NHSL1: variants seen among roughly 807,000 people sequenced by gnomAD.
NHSL1 encodes NHS like 1.
NHSL1 carries 48 observed loss-of-function variants against 95.0 expected under a neutral mutation model. The ratio of observed to expected loss-of-function variants is 0.51; its 90% CI spans 0.40 to 0.64. NHSL1 has a LOEUF of 0.64. Among genes scored for constraint, NHSL1 ranks in the 30% least tolerant of loss-of-function variants. The pLI, the probability that NHSL1 is intolerant of heterozygous loss-of-function variation, is 0.00. For synonymous variants in NHSL1, 783 were observed against 833.9 expected (o/e 0.94, Z 1.05); for missense variants, 1,971 against 2,077.7 (o/e 0.95, Z 1.00).
Position 138,543,426 on chromosome 6 carries a change from A to T in NHSL1, c.16+2197T>A, listed in dbSNP as rs1782660493. Among the ~76,000 whole-genome samples the T allele has an allele frequency of 2.0e-5, 3 of 152,222 alleles. No individual in the cohort carries two copies. The South Asian group carries it at 6.2e-4, about 32-fold the overall frequency. On this transcript the variant is annotated intron_variant, in intron 1 of 4. Transcript: ENST00000342260. ...CTTCAAGGAAGGCCAAATTGACAAA[A>T]AGCTGAGCAGACCTGGCTTCAGAAA...
intron 1 of NHSL1, among the ~76,000 whole-genome samples, chr6:138,598,357 C>T (rs1214892134): frequency 6.6e-6 from 1 of 151,796 alleles, no homozygotes; most frequent in Non-Finnish European, 1.5e-5. Flanking sequence ...ACTTGGAAGG[C>T]TAAGGCAGGA....
chr6:138,551,284 T>C (rs1368258086), intron 1 of NHSL1, among the ~76,000 whole-genome samples: 1 of 152,196 alleles, frequency 6.6e-6, no homozygotes, highest in African/African-American at 2.4e-5. Flanking sequence ...GGCTACTGTA[T>C]TCAGACAGGC....
intron 7 of NHSL1, among the ~76,000 whole-genome samples, chr6:138,427,673 C>T (rs1436013084): frequency 1.3e-5 from 2 of 152,206 alleles, no homozygotes; most frequent in Admixed American, 1.3e-4. Context: ...AAAAACTTCA[C>T]ACCTCAACTG....
At position 138,433,469 on chromosome 6, in the gene NHSL1, G is replaced by A; in HGVS notation, c.876C>T (p.Gly292=). The A allele has an allele frequency of 3.2e-6, 5 of 1,552,220 alleles. No homozygotes were observed. The highest frequency in any genetic ancestry group is 3.5e-6 in the Non-Finnish European group (4 of 1,147,122). Reference sequence around the variant, plus strand: ...TGTTGCCAGAGGAACCTGAGAAGTGGCCCATCTGGGCAGCAATGCCTTGCC... The same window carrying A: ...TGTTGCCAGAGGAACCTGAGAAGTGACCCATCTGGGCAGCAATGCCTTGCC... ...QKGQGIAAQM[G]HFSGSSGNMS... Residue 292 remains glycine, a synonymous_variant, in exon 6 of 8, where the codon GGC becomes GGT. Transcript: ENST00000343505.
At chr6:138,588,308 C>A (rs921946330) in intron 1 of NHSL1, among the ~76,000 whole-genome samples, 2 of 152,092 alleles carry the variant, frequency 1.3e-5, no homozygotes, top group Non-Finnish European at 2.9e-5. Context: ...ACTAAAAATA[C>A]AAAAATTGGC....
chr6:138,545,704 C>G lies in NHSL1; in HGVS notation c.-66G>C, dbSNP rs537505179. 1.2e-5 allele frequency: 16 copies of G among 1,282,884 alleles called. No homozygotes were observed. The South Asian group carries it at 2.0e-4, about 16-fold the overall frequency. 79.5% of individuals were successfully genotyped at this position (1,282,884 alleles called of 1,614,324 possible). A position where few individuals can be genotyped will look rare whatever the true frequency, so the allele number is the denominator to read the frequency against. Reference sequence around the variant, plus strand: ...ATGAAGCCTGCAGTGCTAGGCACAGCTGTCTCCCAGCCCACCTCCTCAGCG... The same window carrying G: ...ATGAAGCCTGCAGTGCTAGGCACAGGTGTCTCCCAGCCCACCTCCTCAGCG... On this transcript the variant is annotated 5_prime_UTR_variant, in exon 1 of 5. Transcript: ENST00000342260.
At chr6:138,662,145 G>GAA (rs35233641) in intron 1 of NHSL1, among the ~76,000 whole-genome samples, 1 of 140,916 alleles carries the variant, frequency 7.1e-6, no homozygotes, top group African/African-American at 2.6e-5. Context: ...CTTTTTTTCA[G>GAA]AAAAAAAAAA....
At chr6:138,561,445 A>G (rs1783405286) in intron 1 of NHSL1, among the ~76,000 whole-genome samples, 1 of 152,156 alleles carries the variant, frequency 6.6e-6, no homozygotes, top group Non-Finnish European at 1.5e-5. Flanking sequence ...TTTTTCAAAA[A>G]TAAGAGGGCA....
chr6:138,663,889 T>A (rs955901650), intron 1 of NHSL1, among the ~76,000 whole-genome samples: 17 of 151,392 alleles, frequency 1.1e-4, no homozygotes, highest in African/African-American at 3.7e-4. Flanking sequence ...AAAATCATTC[T>A]AGGAAAATCT....
At chr6:138,536,754 G>C (rs1782370260) in intron 1 of NHSL1, among the ~76,000 whole-genome samples, 1 of 151,426 alleles carries the variant, frequency 6.6e-6, no homozygotes, top group Non-Finnish European at 1.5e-5. Flanking sequence ...CATGCATTAG[G>C]GATTTGTCCT....
At chr6:138,673,043 A>C (rs558061861) in intron 1 of NHSL1, among the ~76,000 whole-genome samples, 98 of 151,660 alleles carry the variant, frequency 6.5e-4, no homozygotes, top group African/African-American at 2.3e-3. Context: ...AGATAGATAG[A>C]TAGATAGATA....
chr6:138,465,054 C>CAAAA lies in NHSL1; in HGVS notation c.339+8248_339+8251dup, dbSNP rs35195031. 4.8e-3 allele frequency among the ~76,000 whole-genome samples: 486 copies of CAAAA among 100,934 alleles called. 5 individuals carry two copies. The highest frequency in any genetic ancestry group is 0.03 in the Admixed American group (317 of 10,554). 66.2% of individuals were successfully genotyped at this position (100,934 alleles called of 152,430 possible). A position where few individuals can be genotyped will look rare whatever the true frequency, so the allele number is the denominator to read the frequency against. ...TTACATAAAGCAATATGTATGCCTTCAAAAAAAAAAAAAAAAAGAATGAAT... is the reference window on the plus strand; with the variant it reads ...TTACATAAAGCAATATGTATGCCTTCAAAAAAAAAAAAAAAAAAAAAGAATGAAT... On this transcript the variant is annotated intron_variant, in intron 3 of 7. Transcript: ENST00000343505.
chr6:138,640,203 T>C (rs1784942671), intron 1 of NHSL1, among the ~76,000 whole-genome samples: 1 of 152,166 alleles, frequency 6.6e-6, no homozygotes, highest in Non-Finnish European at 1.5e-5. Flanking sequence ...TATTATACAG[T>C]TAGGGAAATC....
intron 1 of NHSL1, among the ~76,000 whole-genome samples, chr6:138,652,593 A>G (rs1361812615): frequency 2.0e-5 from 3 of 152,234 alleles, no homozygotes; most frequent in South Asian, 4.1e-4. Flanking sequence ...TTCAAGTAAG[A>G]AAAGTTAGAA....
At chr6:138,569,266 T>TGA (rs1219660371) in intron 1 of NHSL1, among the ~76,000 whole-genome samples, 69 of 151,406 alleles carry the variant, frequency 4.6e-4, no homozygotes, top group Middle Eastern at 3.4e-3. Flanking sequence ...TGTGTGTGTG[T>TGA]GTGTGAGAGA....
Position 138,513,281 on chromosome 6 carries a change from T to G in NHSL1, c.17-16910A>C, listed in dbSNP as rs546197837. On this transcript the variant is annotated intron_variant, in intron 1 of 4. Transcript: ENST00000342260. Reference sequence around the variant, plus strand: ...TAGTGCCATAATTTTCTAACCTTTATGAAAATTTTCCTTAAGAAACGCCTT... The same window carrying G: ...TAGTGCCATAATTTTCTAACCTTTAGGAAAATTTTCCTTAAGAAACGCCTT... 3.3e-5 allele frequency among the ~76,000 whole-genome samples: 5 copies of G among 152,322 alleles called. No homozygotes were observed. The East Asian group carries it at 7.7e-4, about 24-fold the overall frequency.
chr6:138,635,678 C>A (rs145999047), intron 1 of NHSL1, among the ~76,000 whole-genome samples: 56 of 152,102 alleles, frequency 3.7e-4, no homozygotes, highest in African/African-American at 1.2e-3. Context: ...ACTCATTCTA[C>A]GAAGCCAGTA....
chr6:138,652,327 G>A (rs1785103340), intron 1 of NHSL1, among the ~76,000 whole-genome samples: 1 of 151,750 alleles, frequency 6.6e-6, no homozygotes, highest in African/African-American at 2.4e-5. Flanking sequence ...TGTAATCCCA[G>A]CTACTCGGGA....
At chr6:138,575,922 C>T (rs1327569149), upstream of NHSL1, among the ~76,000 whole-genome samples, 22 of 152,098 alleles carry the variant, frequency 1.4e-4, no homozygotes, top group Admixed American at 1.4e-3. Context: ...TATATTATTG[C>T]TAACCTTCAC....
Sources: gnomAD v4.1 joint callset for allele counts (sites outside exome capture counted in the v4.1 genomes callset) on GRCh38, gnomAD v4.1.1 for gene constraint, MANE v1.5 for transcripts, NCBI Gene and HGNC (gene_info 2026-07-23, HGNC 2026-07-21) for gene names.